NAA30: variants seen among roughly 807,000 people sequenced by gnomAD.
NAA30 encodes the protein N-alpha-acetyltransferase 30.
NAA30 carries 5 observed loss-of-function variants against 31.4 expected under a neutral mutation model. The ratio of observed to expected loss-of-function variants is 0.16; its 90% CI spans 0.08 to 0.33. The LOEUF is 0.33. NAA30 is among the 10% of genes least tolerant of loss of function. The pLI is 1.00. For synonymous variants in NAA30, 222 were observed against 207.1 expected, an observed-to-expected ratio of 1.07 and a Z score of -0.62; for missense variants, 428 against 490.8, an observed-to-expected ratio of 0.87 and a Z score of 1.21.
chr14:57,394,110 T>TAA (rs11326184), intron 2 of NAA30, among the ~76,000 whole-genome samples: 6 of 137,264 alleles, frequency 4.4e-5, no homozygotes, highest in East Asian at 2.1e-4. Context: ...GTAAAAGATG[T>TAA]AAAAAAAAAA....
At chr14:57,408,459 T>C (rs557235481) in intron 4 of NAA30, among the ~76,000 whole-genome samples, 3 of 152,350 alleles carry the variant, frequency 2.0e-5, no homozygotes, top group Middle Eastern at 6.8e-3. Flanking sequence ...TAAATGAAAG[T>C]TAATACTATG....
intron 2 of NAA30, among the ~76,000 whole-genome samples, chr14:57,393,806 C>G (rs566090567): frequency 6.6e-6 from 1 of 151,818 alleles, no homozygotes; most frequent in African/African-American, 2.4e-5. Context: ...AGATATTTAC[C>G]GTCGGAAGGG....
At chr14:57,404,928 A>T (rs1053367830) in intron 4 of NAA30, among the ~76,000 whole-genome samples, 1 of 152,168 alleles carries the variant, frequency 6.6e-6, no homozygotes. Flanking sequence ...ACAGCCAAAC[A>T]GTATCACACA....
At chr14:57,403,526 T>A (rs560605396) in intron 4 of NAA30, among the ~76,000 whole-genome samples, 1 of 152,344 alleles carries the variant, frequency 6.6e-6, no homozygotes, top group South Asian at 2.1e-4. Context: ...GAATTAGACA[T>A]ATGTTAAAAC....
rs562084264 is a variant in NAA30 at position 57,411,275 on chromosome 14, G to T, written c.*1759G>T. 6.6e-6 allele frequency: 1 copy of T among 151,914 alleles called. No homozygotes were observed. The highest frequency in any genetic ancestry group is 1.5e-5 in the Non-Finnish European group (1 of 67,936). 9.4% of individuals were successfully genotyped at this position (151,914 alleles called of 1,614,324 possible). On this transcript the variant is annotated 3_prime_UTR_variant, in exon 5 of 5. Transcript: ENST00000556492. ...GTTTAATGAGCAGAATACAATACTG[G>T]TTATAATAAAAATATGGTAACCACA...
At chr14:57,403,234 GAAA>G (rs11406655) in intron 4 of NAA30, among the ~76,000 whole-genome samples, 2 of 136,508 alleles carry the variant, frequency 1.5e-5, no homozygotes, top group African/African-American at 2.8e-5. Flanking sequence ...TCCGTGGCCG[GAAA>G]AAAAAAAAAA....
intron 2 of NAA30, among the ~76,000 whole-genome samples, chr14:57,392,593 G>A (rs763808726): frequency 6.6e-6 from 1 of 152,136 alleles, no homozygotes; most frequent in Non-Finnish European, 1.5e-5. Context: ...ACCCATTTCA[G>A]TCTGTATGAA....
chr14:57,408,203 A>T (rs1444840570), intron 4 of NAA30, among the ~76,000 whole-genome samples: 1 of 151,952 alleles, frequency 6.6e-6, no homozygotes, highest in East Asian at 1.9e-4. Flanking sequence ...ATACTTTGCC[A>T]TTTCCCCCCC....
chr14:57,404,378 G>A (rs1253619863), intron 4 of NAA30, among the ~76,000 whole-genome samples: 1 of 152,114 alleles, frequency 6.6e-6, no homozygotes, highest in Non-Finnish European at 1.5e-5. Context: ...AATAGCCAGA[G>A]ATAACTGATC....
intron 3 of NAA30, among the ~76,000 whole-genome samples, chr14:57,398,295 C>T (rs1248063499): frequency 6.6e-6 from 1 of 152,006 alleles, no homozygotes; most frequent in East Asian, 1.9e-4. Context: ...CATTAAAAAG[C>T]ACTGATAAGG....
At chr14:57,406,652 T>C (rs1416074220) in intron 4 of NAA30, among the ~76,000 whole-genome samples, 1 of 152,238 alleles carries the variant, frequency 6.6e-6, no homozygotes, top group Non-Finnish European at 1.5e-5. Context: ...ATTGTCACTT[T>C]TTATTTACGT....
In NAA30 at chr14:57,411,290, T is replaced by C. The variant is rs529546602; in HGVS notation, c.*1774T>C. 2 of 152,262 alleles carry C rather than the reference T, an allele frequency of 1.3e-5. No homozygotes were observed. The highest frequency in any genetic ancestry group is 3.9e-4 in the East Asian group (2 of 5,194). 9.4% of individuals were successfully genotyped at this position (152,262 alleles called of 1,614,324 possible). ...TACAATACTGGTTATAATAAAAATA[T>C]GGTAACCACACAGTACTCAGCCTTT... On this transcript the variant is annotated 3_prime_UTR_variant, in exon 5 of 5. Transcript: ENST00000556492.
chr14:57,404,512 G>A (rs972329660), intron 4 of NAA30, among the ~76,000 whole-genome samples: 13 of 152,198 alleles, frequency 8.5e-5, no homozygotes, highest in East Asian at 1.9e-4. Context: ...TTGAAAAACC[G>A]TAATGAACAT....
At chr14:57,393,199 G>A (rs1381196387) in intron 2 of NAA30, among the ~76,000 whole-genome samples, 1 of 152,168 alleles carries the variant, frequency 6.6e-6, no homozygotes, top group Non-Finnish European at 1.5e-5. Context: ...ATGATATTTA[G>A]TCAACTTTGA....
In NAA30 at chr14:57,390,939, G is replaced by C; in HGVS notation, c.-1-18G>C. Reference sequence around the variant, plus strand: ...GCCGGGTTTCATGGCCTCCCCTCTCGGTCTGTGTCGCTTCTAGGATGGCGG... The same window carrying C: ...GCCGGGTTTCATGGCCTCCCCTCTCCGTCTGTGTCGCTTCTAGGATGGCGG... On this transcript the variant is annotated intron_variant, in intron 1 of 4. Transcript: ENST00000556492. 3 of 1,462,962 alleles carry C rather than the reference G, an allele frequency of 2.1e-6. No homozygotes were observed. Among genetic ancestry groups the C allele is most frequent in the South Asian group, 1.5e-5 (1 of 66,626 alleles). 90.6% of individuals were successfully genotyped at this position (1,462,962 alleles called of 1,614,324 possible).
chr14:57,412,320 T>C lies in NAA30; in HGVS notation c.*2804T>C, dbSNP rs1207981714. On this transcript the variant is annotated 3_prime_UTR_variant, in exon 5 of 5. Coordinates refer to ENST00000556492, the MANE Select transcript of NAA30 (RefSeq NM_001011713.3). ...AATCTATGTAAAGCAGTTTGTTTTT[T>C]CATGTTTTAACTTTACCTTGCCCTG... The C allele has an allele frequency of 6.6e-6, 1 of 152,228 alleles. No homozygotes were observed. Among genetic ancestry groups the C allele is most frequent in the Admixed American group, 6.5e-5 (1 of 15,286 alleles). 9.4% of individuals were successfully genotyped at this position (152,228 alleles called of 1,614,324 possible).
chr14:57,398,470 T>C (rs541579359), intron 3 of NAA30, among the ~76,000 whole-genome samples: 1 of 152,208 alleles, frequency 6.6e-6, no homozygotes, highest in African/African-American at 2.4e-5. Flanking sequence ...AATTTTATTA[T>C]TTTTTGAGAC....
At chr14:57,398,834 G>A (rs555888251) in intron 3 of NAA30, among the ~76,000 whole-genome samples, 17 of 151,932 alleles carry the variant, frequency 1.1e-4, no homozygotes, top group African/African-American at 3.6e-4. Context: ...ATGGGGTTTC[G>A]TCATGTTGGC....
At position 57,391,281 on chromosome 14, in the gene NAA30, A is replaced by T. The variant is rs150513999; in HGVS notation, c.324A>T (p.Val108=). The change falls in exon 2 of 5, where the codon GTA becomes GTT. Residue 108 remains valine, a synonymous_variant. Transcript: ENST00000556492. The surrounding 1 kb of genome is among the most constrained non-coding windows in gnomAD (Gnocchi z 4.1). ...CCCTCAAGAGCAAGGTCCTGAGCGT[A>T]GCAGAGGTGGCCGCGACCACAGCCA... ...AASLKSKVLS[V]AEVAATTATP... 9.2e-4 allele frequency: 1,480 copies of T among 1,611,402 alleles called. 13 individuals carry two copies. In the African/African-American group the frequency reaches 0.017, roughly 19 times the overall value.
Sources: allele counts gnomAD v4.1 joint callset (sites outside exome capture counted in the v4.1 genomes callset), GRCh38; gene constraint gnomAD v4.1.1; non-coding constraint Gnocchi (gnomAD v3.1); transcripts MANE v1.5; gene names NCBI Gene and HGNC (gene_info 2026-07-23, HGNC 2026-07-21).